RP1L1: variants seen among roughly 807,000 people sequenced by gnomAD.
RP1L1 encodes the protein retinitis pigmentosa 1-like 1 protein.
Under a neutral mutation model 15.7 loss-of-function variants are expected in RP1L1, and 27 were observed. That is an observed-to-expected ratio of 1.72 (90% CI 1.27 to 2.38). The LOEUF (loss-of-function observed/expected upper bound fraction) is 2.38. Among genes scored for constraint, RP1L1 ranks in the 30% most tolerant of loss-of-function variants. The pLI, the probability that RP1L1 is intolerant of heterozygous loss-of-function variation, is 0.00. For missense variants in RP1L1, 4,798 were observed against 3,075.9 expected, an observed-to-expected ratio of 1.56 and a Z score of -13.24; for synonymous variants, 1,813 against 1,276.7, an observed-to-expected ratio of 1.42 and a Z score of -8.96.
intron 1 of RP1L1, among the ~76,000 whole-genome samples, chr8:10,647,035 G>A (rs1798489696): frequency 6.6e-6 from 1 of 152,192 alleles, no homozygotes; most frequent in Admixed American, 6.5e-5. Context: ...ATCCACGAGG[G>A]GCTATAAAGG....
intron 1 of RP1L1, among the ~76,000 whole-genome samples, chr8:10,648,033 CTTTT>C (rs1798504752): frequency 6.6e-6 from 1 of 151,620 alleles, no homozygotes. Context: ...CTCTCTCTCT[CTTTT>C]CTTTTTTTTT....
At position 10,609,748 on chromosome 8, in the gene RP1L1, G is replaced by C; in HGVS notation, c.4350C>G (p.Pro1450=). ...CGCTGAGATGACTAGGGGGCTCTGT[G>C]GGTTCCTCTGTGCCCTCTGCGGGGC... ...EPCPAEGTEE[P]TEPPSHLSET... The change falls in exon 4 of 4, where the codon CCC becomes CCG. Residue 1450 remains proline, a synonymous_variant. Transcript: ENST00000382483. The C allele has an allele frequency of 6.2e-7, 1 of 1,613,490 alleles. No homozygotes were observed. The highest frequency in any genetic ancestry group is 1.1e-5 in the South Asian group (1 of 91,072).
chr8:10,623,731 G>A (rs183833361), intron 1 of RP1L1, among the ~76,000 whole-genome samples: 27 of 150,986 alleles, frequency 1.8e-4, no homozygotes, highest in Non-Finnish European at 3.4e-4. Flanking sequence ...CATGTCCCTA[G>A]AGTCATATGC....
At chr8:10,624,010 C>A (rs1446310100) in intron 1 of RP1L1, among the ~76,000 whole-genome samples, 3 of 152,212 alleles carry the variant, frequency 2.0e-5, no homozygotes, top group African/African-American at 7.2e-5. Context: ...ATGTCCCCAG[C>A]ACCTCCATAT....
In RP1L1 at chr8:10,609,128, C is replaced by T. The variant is rs772275224; in HGVS notation, c.4970G>A (p.Cys1657Tyr). ...CTTCCTCACGCAGGCCTCGCAGGGACAGAACTCCTCCCCCTCCGCCTCCTC... is the reference window on the plus strand; with the variant it reads ...CTTCCTCACGCAGGCCTCGCAGGGATAGAACTCCTCCCCCTCCGCCTCCTC... Reference protein sequence around the residue: ...LGEEAEGEEFCPCEACVRKKV... With the variant: ...LGEEAEGEEFYPCEACVRKKV... Residue 1657 changes from cysteine (C) to tyrosine (Y), a missense_variant, in exon 4 of 4, where the codon TGT becomes TAT. Physicochemically the swap from Cys to Tyr is radical, Grantham distance 194. Transcript: ENST00000382483. The T allele has an allele frequency of 1.2e-6, 2 of 1,613,520 alleles. No individual in the cohort carries two copies. Among genetic ancestry groups the T allele is most frequent in the African/African-American group, 2.7e-5 (2 of 74,916 alleles).
In RP1L1 at chr8:10,611,467, G is replaced by C. The variant is rs1351661618; in HGVS notation, c.2631C>G (p.His877Gln). ...SSSCGSTGSS[H>Q]QSTARGPGGS... ...CACCTGGCCCCCGGGCAGTGCTTTG[G>C]TGGCTGCTGCCGGTGCTCCCACAGC... The change falls in exon 4 of 4, where the codon CAC (histidine) becomes CAG (glutamine). Residue 877 changes from histidine (H) to glutamine (Q), a missense_variant. Transcript: ENST00000382483. 3.8e-6 allele frequency: 6 copies of C among 1,570,460 alleles called. No homozygotes were observed. The highest frequency in any genetic ancestry group is 1.1e-5 in the South Asian group (1 of 87,102).
At chr8:10,630,891 C>A (rs564734395) in intron 1 of RP1L1, among the ~76,000 whole-genome samples, 4 of 152,152 alleles carry the variant, frequency 2.6e-5, no homozygotes, top group South Asian at 2.1e-4. Flanking sequence ...GTCATCGCAG[C>A]GGGAGAAATT....
chr8:10,611,116 A>G lies in RP1L1; in HGVS notation c.2982T>C (p.Pro994=), dbSNP rs759633419. The change falls in exon 4 of 4, where the codon CCT becomes CCC. Residue 994 remains proline, a synonymous_variant. Transcript: ENST00000382483. ...GGCCTTCCAGAGAATGGTCATCCCC[A>G]GGGTCCACCTCGGGGCCTCTCAGGC... The part of the protein sequence containing the change: ...GGGLRGPEVD[P]GDDHSLEGLG... The G allele has an allele frequency of 1.3e-5, 21 of 1,612,716 alleles. No individual in the cohort carries two copies. In the African/African-American group the frequency reaches 2.4e-4, roughly 18 times the overall value.
intron 2 of RP1L1, 71 bp downstream of exon 2, chr8:10,622,522 C>T: frequency 2.5e-6 from 4 of 1,600,400 alleles, no homozygotes; most frequent in South Asian, 2.2e-5. Context: ...TAATCTCTCT[C>T]TTCCATGTGA....
chr8:10,625,297 C>G (rs916999248), intron 1 of RP1L1, among the ~76,000 whole-genome samples: 2 of 152,182 alleles, frequency 1.3e-5, no homozygotes, highest in African/African-American at 4.8e-5. Flanking sequence ...AGGCCACCTA[C>G]AGGGTCACAG....
intron 2 of RP1L1, among the ~76,000 whole-genome samples, chr8:10,619,981 A>T (rs1006826223): frequency 2.2e-5 from 3 of 137,880 alleles, no homozygotes; most frequent in African/African-American, 5.4e-5. Context: ...AAAAAAAAAA[A>T]GATGTTGAGA....
rs1797745992 is a variant in RP1L1 at position 10,608,105 on chromosome 8, TC to T, written c.5992del (p.Glu1998LysfsTer3). 6.2e-7 allele frequency: 1 copy of T among 1,612,012 alleles called. No homozygotes were observed. Among genetic ancestry groups the T allele is most frequent in the Non-Finnish European group, 8.5e-7 (1 of 1,179,534 alleles). The stretch of plus-strand genomic sequence containing the variant: ...TTCAGCCTCTGGGGCCTCTACATCT[TC>T]TGACTCTGGCTGGGCCTCCCCTTCT... The part of the protein sequence containing the change: ...EAEGEAQPES[E>X]DVEAPEAEGE... On this transcript the variant is annotated frameshift_variant, in exon 4 of 4. Coordinates refer to ENST00000382483, the MANE Select transcript of RP1L1 (RefSeq NM_178857.6). LOFTEE classifies it low-confidence loss of function (END_TRUNC).
In RP1L1 at chr8:10,613,095, C is replaced by T. The variant is rs767989455; in HGVS notation, c.1003G>A (p.Asp335Asn). Residue 335 changes from aspartate (D) to asparagine (N), a missense_variant, in exon 4 of 4, where the codon GAC (aspartate) becomes AAC (asparagine). Transcript: ENST00000382483. ...MKVRFHLVGE[D>N]TLLWSRRMGR... ...ATCCTCCGGGACCATAGGAGCGTGT[C>T]CTCGCCGACCAGGTGGAAGCGGACT... is the stretch of plus-strand genomic sequence containing the variant. The T allele has an allele frequency of 4.3e-6, 7 of 1,613,886 alleles. No individual in the cohort carries two copies. The highest frequency in any genetic ancestry group is 5.9e-6 in the Non-Finnish European group (7 of 1,180,034).
chr8:10,613,064 C>A lies in RP1L1; in HGVS notation c.1034G>T (p.Arg345Met), dbSNP rs1477202167. ...DTLLWSRRMG[R>M]ASALTAASGE... ...ACTGGCTGCCGTGAGGGCGCTGGCC[C>A]TGCCCATCCTCCGGGACCATAGGAG... The change falls in exon 4 of 4, where the codon AGG (arginine) becomes ATG (methionine). Residue 345 changes from arginine (R) to methionine (M), a missense_variant. Physicochemically the swap from Arg to Met is moderately conservative, Grantham distance 91 (BLOSUM62 -1). Coordinates refer to ENST00000382483, the MANE Select transcript of RP1L1 (RefSeq NM_178857.6). 6.2e-7 allele frequency: 1 copy of A among 1,613,708 alleles called. No individual in the cohort carries two copies. The highest frequency in any genetic ancestry group is 2.2e-5 in the East Asian group (1 of 44,876).
At chr8:10,617,729 T>C (rs1220095584) in intron 2 of RP1L1, among the ~76,000 whole-genome samples, 2 of 151,988 alleles carry the variant, frequency 1.3e-5, no homozygotes, top group East Asian at 1.9e-4. Context: ...GCTAATTTTT[T>C]GTATTTTTAG....
intron 1 of RP1L1, among the ~76,000 whole-genome samples, chr8:10,627,114 C>A (rs998944055): frequency 6.6e-6 from 1 of 152,018 alleles, no homozygotes; most frequent in Non-Finnish European, 1.5e-5. Flanking sequence ...GCCACATGAT[C>A]CAGAAATCCC....
chr8:10,645,871 T>C (rs1301022593), intron 1 of RP1L1, among the ~76,000 whole-genome samples: 7 of 147,010 alleles, frequency 4.8e-5, no homozygotes, highest in South Asian at 2.1e-4. Context: ...ATGACAAGCA[T>C]GGCCCTGGCG....
rs933534381 is a variant in RP1L1, at chr8:10,611,047, G to A, written c.3051C>T (p.Asp1017=). The A allele has an allele frequency of 6.2e-7, 1 of 1,612,786 alleles. No individual in the cohort carries two copies. ...AQAGQQSLEG[D]PGQDPEPEGA... ...CCTCTGGCTCTGGGTCCTGGCCGGG[G>A]TCCCCTTCCAGGGACTGCTGTCCCG... Residue 1017 remains aspartate, a synonymous_variant, in exon 4 of 4, where the codon GAC becomes GAT. Coordinates refer to ENST00000382483, the MANE Select transcript of RP1L1 (RefSeq NM_178857.6).
Position 10,607,141 on chromosome 8 carries a change from T to A in RP1L1, c.6957A>T (p.Val2319=), listed in dbSNP as rs1357539114. 1 of 1,614,214 alleles carries A rather than the reference T, an allele frequency of 6.2e-7. No individual in the cohort carries two copies. The highest frequency in any genetic ancestry group is 8.5e-7 in the Non-Finnish European group (1 of 1,180,034). The change falls in exon 4 of 4, where the codon GTA becomes GTT. Residue 2319 remains valine, a synonymous_variant. Coordinates refer to ENST00000382483, the MANE Select transcript of RP1L1 (RefSeq NM_178857.6). The part of the protein sequence containing the change: ...CWQKDSENDH[V]LGDTRSPDAK... ...CATCAGGGCTCCTTGTGTCTCCAAG[T>A]ACATGGTCATTTTCTGAGTCTTTCT...
Sources: gnomAD v4.1 joint callset for allele counts (sites outside exome capture counted in the v4.1 genomes callset) on GRCh38, gnomAD v4.1.1 for gene constraint, MANE v1.5 for transcripts, NCBI Gene and HGNC (gene_info 2026-07-23, HGNC 2026-07-21) for gene names.